The following KIAA1328 variants were observed in gnomAD, a reference collection of about 807,000 sequenced individuals.
The protein encoded by KIAA1328 is protein hinderin.
KIAA1328 carries 52 observed loss-of-function variants against 68.1 expected under a neutral mutation model. The ratio of observed to expected loss-of-function variants is 0.76; its 90% CI spans 0.61 to 0.96. The LOEUF (loss-of-function observed/expected upper bound fraction) is 0.96, where lower values mean the gene tolerates loss of function less well. Ranked by LOEUF, KIAA1328 falls within the 40% of genes least tolerant of loss-of-function variation. The pLI is 0.00. For synonymous variants in KIAA1328, 232 were observed against 239.4 expected (o/e 0.97, Z 0.28); for missense variants, 641 against 677.6 (o/e 0.95, Z 0.60).
At chr18:36,921,626 G>C (rs372268359) in intron 5 of KIAA1328, among the ~76,000 whole-genome samples, 16 of 151,944 alleles carry the variant, frequency 1.1e-4, no homozygotes, top group Admixed American at 7.2e-4. Flanking sequence ...GGATGGTCTC[G>C]ATCACCTGAC....
chr18:37,225,647 C>T (rs186625047), downstream of KIAA1328, among the ~76,000 whole-genome samples: 16 of 152,292 alleles, frequency 1.1e-4, no homozygotes, highest in East Asian at 3.1e-3. Context: ...CATAGCTGCT[C>T]AGCAAGGAAG....
Position 37,222,478 on chromosome 18 carries a change from A to G in KIAA1328, c.*251A>G. 1 of 1,303,446 alleles carries G rather than the reference A, an allele frequency of 7.7e-7. No homozygotes were observed. The highest frequency in any genetic ancestry group is 9.8e-7 in the Non-Finnish European group (1 of 1,022,748). The allele number at this position is 1,303,446 out of a possible 1,614,324, so 80.7% of individuals were successfully genotyped here. The stretch of plus-strand genomic sequence containing the variant: ...CTTTTATATGCTAAACAGATTAGAA[A>G]ATTAACATAGGATACTTTCTGCGTG... On this transcript the variant is annotated 3_prime_UTR_variant, in exon 10 of 10. Transcript: ENST00000280020.
chr18:36,959,321 G>A lies in KIAA1328; in HGVS notation c.462G>A (p.Gln154=). 1 of 1,599,352 alleles carries A rather than the reference G, an allele frequency of 6.3e-7. No individual in the cohort carries two copies. The highest frequency in any genetic ancestry group is 1.1e-5 in the South Asian group (1 of 88,004). ...IIKEREALQL[Q]YRECQELLSL... is the part of the protein sequence containing the mutation. ...TTGCAATCTCACCTCTTCAGCTACA[G>A]TATAGAGAATGCCAAGAACTTCTAA... Residue 154 remains glutamine (Q), a synonymous_variant, in exon 6 of 10, where the codon CAG becomes CAA. Coordinates refer to ENST00000280020, the MANE Select transcript of KIAA1328 (RefSeq NM_020776.3).
chr18:36,931,390 C>T (rs528595381), intron 5 of KIAA1328, among the ~76,000 whole-genome samples: 18 of 152,050 alleles, frequency 1.2e-4, no homozygotes, highest in Admixed American at 3.3e-4. Context: ...ACTGTACACG[C>T]GAGGGATCTA....
chr18:36,975,328 G>A (rs941224560), intron 6 of KIAA1328, among the ~76,000 whole-genome samples: 5 of 151,008 alleles, frequency 3.3e-5, no homozygotes, highest in East Asian at 3.9e-4. Flanking sequence ...GACTACAGGC[G>A]CCCGCCACTA....
At chr18:37,180,036 C>T (rs573796333) in intron 9 of KIAA1328, among the ~76,000 whole-genome samples, 5 of 145,334 alleles carry the variant, frequency 3.4e-5, no homozygotes, top group African/African-American at 1.3e-4. Context: ...TCTGGATTGA[C>T]AGCTGCCATG....
At chr18:37,090,264 G>A (rs898973513) in intron 7 of KIAA1328, among the ~76,000 whole-genome samples, 4 of 152,014 alleles carry the variant, frequency 2.6e-5, no homozygotes, top group Non-Finnish European at 4.4e-5. Flanking sequence ...TTAATACTAA[G>A]ATAATTTAAA....
At chr18:36,974,183 A>C (rs1598865633) in intron 6 of KIAA1328, among the ~76,000 whole-genome samples, 1 of 152,138 alleles carries the variant, frequency 6.6e-6, no homozygotes, top group East Asian at 1.9e-4. Context: ...GATTTGTATA[A>C]ATTTTAGGGG....
intron 7 of KIAA1328, among the ~76,000 whole-genome samples, chr18:37,151,451 G>A (rs1046814032): frequency 6.6e-6 from 1 of 152,116 alleles, no homozygotes; most frequent in African/African-American, 2.4e-5. Flanking sequence ...AAATGTGAAA[G>A]GACTAGAATA....
chr18:36,948,245 T>C (rs1051519892), intron 5 of KIAA1328, among the ~76,000 whole-genome samples: 2 of 150,942 alleles, frequency 1.3e-5, no homozygotes, highest in African/African-American at 4.9e-5. Context: ...CATGACTTTT[T>C]GTTTGTTTGT....
At chr18:37,204,780 A>C (rs889826511) in intron 9 of KIAA1328, among the ~76,000 whole-genome samples, 3 of 137,584 alleles carry the variant, frequency 2.2e-5, no homozygotes, top group African/African-American at 5.4e-5. Context: ...AAAAAAAAAA[A>C]CACCTCTCAA....
In KIAA1328 at chr18:37,190,822, C is replaced by T. The variant is rs191853883; in HGVS notation, c.1523+17741C>T. Reference sequence around the variant, plus strand: ...ATAATGAACCAGGAGACCCTGGCCTCCCCATCGATCTTCATCAAATTCACT... The same window carrying T: ...ATAATGAACCAGGAGACCCTGGCCTTCCCATCGATCTTCATCAAATTCACT... On this transcript the variant is annotated intron_variant, in intron 9 of 9. Transcript: ENST00000280020. Among the ~76,000 whole-genome samples, 6 of 152,310 alleles carry T rather than the reference C, an allele frequency of 3.9e-5. No individual in the cohort carries two copies. The East Asian group carries it at 9.6e-4, about 24-fold the overall frequency.
intron 8 of KIAA1328, among the ~76,000 whole-genome samples, chr18:37,161,282 G>A (rs1189948280): frequency 6.6e-6 from 1 of 152,120 alleles, no homozygotes; most frequent in Non-Finnish European, 1.5e-5. Flanking sequence ...ATTGGGCAGT[G>A]CTTTGTGAGA....
intron 7 of KIAA1328, among the ~76,000 whole-genome samples, chr18:37,145,512 G>A (rs1055327479): frequency 3.3e-5 from 5 of 151,958 alleles, no homozygotes; most frequent in African/African-American, 1.2e-4. Context: ...TGAATTCAGG[G>A]GGTTTATTTT....
At chr18:36,989,359 T>C (rs1361552778) in intron 6 of KIAA1328, among the ~76,000 whole-genome samples, 1 of 152,228 alleles carries the variant, frequency 6.6e-6, no homozygotes, top group Non-Finnish European at 1.5e-5. Context: ...TACAATGTTA[T>C]ACTCTTATTT....
chr18:37,020,007 G>A (rs986640858), intron 6 of KIAA1328, among the ~76,000 whole-genome samples: 4 of 152,200 alleles, frequency 2.6e-5, no homozygotes, highest in African/African-American at 9.7e-5. Flanking sequence ...CTCCAAATGC[G>A]TGGAGATCTG....
At chr18:37,047,079 C>A (rs756265801) in intron 6 of KIAA1328, among the ~76,000 whole-genome samples, 4 of 152,192 alleles carry the variant, frequency 2.6e-5, no homozygotes, top group African/African-American at 7.2e-5. Flanking sequence ...TGCACTCCAG[C>A]CTGGGTGACA....
intron 6 of KIAA1328, among the ~76,000 whole-genome samples, chr18:37,060,418 G>C (rs1052177158): frequency 6.6e-6 from 1 of 152,034 alleles, no homozygotes; most frequent in Non-Finnish European, 1.5e-5. Flanking sequence ...ACATATAAGA[G>C]AAATGCAAAA....
intron 5 of KIAA1328, among the ~76,000 whole-genome samples, chr18:36,917,286 G>T (rs889452438): frequency 6.6e-6 from 1 of 152,026 alleles, no homozygotes; most frequent in African/African-American, 2.4e-5. Context: ...TTGTTAAGAG[G>T]CAGGGTCTTG....
Sources: allele counts gnomAD v4.1 joint callset (sites outside exome capture counted in the v4.1 genomes callset), GRCh38; gene constraint gnomAD v4.1.1; transcripts MANE v1.5; gene names NCBI Gene and HGNC (gene_info 2026-07-23, HGNC 2026-07-21).